The following BMPR1B variants were observed in gnomAD, a reference collection of about 807,000 sequenced individuals.
BMPR1B encodes the protein bone morphogenetic protein receptor type 1B, also known as bone morphogenetic protein receptor type-1B.
Under a neutral mutation model 59.1 loss-of-function variants are expected in BMPR1B, and 12 were observed. That is an observed-to-expected ratio of 0.20 (90% CI 0.13 to 0.33). The LOEUF is 0.33. BMPR1B is among the 10% of genes least tolerant of loss of function. The pLI, the probability that BMPR1B is intolerant of heterozygous loss-of-function variation, is 1.00. For missense variants in BMPR1B, 550 were observed against 610.9 expected, an observed-to-expected ratio of 0.90 and a Z score of 1.05; for synonymous variants, 237 against 207.3, an observed-to-expected ratio of 1.14 and a Z score of -1.23.
At chr4:95,059,031 G>A (rs2149201106) in intron 3 of BMPR1B, among the ~76,000 whole-genome samples, 1 of 152,290 alleles carries the variant, frequency 6.6e-6, no homozygotes, top group South Asian at 2.1e-4. Flanking sequence ...TTGTAAGAAT[G>A]ACATGCTGTA....
intron 2 of BMPR1B, among the ~76,000 whole-genome samples, chr4:94,902,008 C>T (rs2149000925): frequency 6.7e-6 from 1 of 148,972 alleles, no homozygotes; most frequent in African/African-American, 2.5e-5. Context: ...TGGTTCATTT[C>T]AACAATAGAC....
intron 3 of BMPR1B, among the ~76,000 whole-genome samples, chr4:95,080,756 A>AAACC (rs1161173094): frequency 1.3e-5 from 2 of 152,194 alleles, no homozygotes; most frequent in Non-Finnish European, 2.9e-5. Context: ...ACAACCAACC[A>AAACC]AACCAACCAA....
chr4:94,869,450 G>A (rs1392566597), intron 1 of BMPR1B, among the ~76,000 whole-genome samples: 1 of 152,092 alleles, frequency 6.6e-6, no homozygotes, highest in Non-Finnish European at 1.5e-5. Flanking sequence ...AGTCTCTTAA[G>A]TGTATATGGC....
At chr4:94,848,487 G>C (rs1039482503) in intron 1 of BMPR1B, among the ~76,000 whole-genome samples, 25 of 152,166 alleles carry the variant, frequency 1.6e-4, no homozygotes, top group African/African-American at 6.0e-4. Flanking sequence ...TTGAAGACCA[G>C]CAACGAGGCC....
chr4:94,760,647 G>A (rs1212784869), intron 1 of BMPR1B, among the ~76,000 whole-genome samples: 1 of 152,160 alleles, frequency 6.6e-6, no homozygotes, highest in Non-Finnish European at 1.5e-5. Flanking sequence ...GCTTCTGAGT[G>A]CCCCTCTTTC....
intron 3 of BMPR1B, among the ~76,000 whole-genome samples, chr4:95,012,127 G>A (rs1723267922): frequency 6.6e-6 from 1 of 152,018 alleles, no homozygotes; most frequent in South Asian, 2.1e-4. Flanking sequence ...AGATATTGAT[G>A]GAACTATTTT....
intron 1 of BMPR1B, among the ~76,000 whole-genome samples, chr4:94,847,849 A>G (rs1205228226): frequency 6.6e-6 from 1 of 152,166 alleles, no homozygotes; most frequent in Admixed American, 6.5e-5. Context: ...ACAAAAATAT[A>G]CAGAATGAAT....
At chr4:94,770,180 G>GGT (rs771544268) in intron 1 of BMPR1B, among the ~76,000 whole-genome samples, 20 of 106,276 alleles carry the variant, frequency 1.9e-4, no homozygotes, top group African/African-American at 7.0e-4. Flanking sequence ...CTTCGTTTCT[G>GGT]TGTTTGTTTT....
chr4:94,968,865 T>C (rs1284081130), intron 2 of BMPR1B, among the ~76,000 whole-genome samples: 3 of 152,162 alleles, frequency 2.0e-5, no homozygotes, highest in Admixed American at 1.3e-4. Context: ...CATATTCTCA[T>C]GTAGGAGGAC....
intron 3 of BMPR1B, among the ~76,000 whole-genome samples, chr4:95,011,135 G>A (rs1325013734): frequency 6.6e-6 from 1 of 151,712 alleles, no homozygotes; most frequent in African/African-American, 2.4e-5. Context: ...GGCTGGTTAC[G>A]TAGGTAAACT....
intron 2 of BMPR1B, among the ~76,000 whole-genome samples, chr4:94,932,837 C>T (rs964071004): frequency 1.3e-5 from 2 of 152,038 alleles, no homozygotes; most frequent in African/African-American, 2.4e-5. Context: ...CTAGGTCTGA[C>T]GGTTATATCA....
intron 1 of BMPR1B, among the ~76,000 whole-genome samples, chr4:94,825,678 G>A (rs1724358035): frequency 6.6e-6 from 1 of 152,126 alleles, no homozygotes; most frequent in Non-Finnish European, 1.5e-5. Context: ...GTGCCTGGTT[G>A]CAATAGTTCT....
intron 1 of BMPR1B, among the ~76,000 whole-genome samples, chr4:94,780,682 C>CTTTT (rs869117575): frequency 8.5e-5 from 7 of 82,372 alleles, no homozygotes; most frequent in Non-Finnish European, 8.9e-5. Flanking sequence ...GTATTATTGT[C>CTTTT]TTTTTTTTTT....
chr4:94,951,533 C>T (rs754790969), intron 2 of BMPR1B, among the ~76,000 whole-genome samples: 8 of 151,942 alleles, frequency 5.3e-5, no homozygotes, highest in African/African-American at 1.5e-4. Flanking sequence ...GAGGTAATTA[C>T]GTGCTTTTTG....
intron 1 of BMPR1B, among the ~76,000 whole-genome samples, chr4:94,802,141 T>G (rs1403872567): frequency 6.6e-6 from 1 of 152,164 alleles, no homozygotes; most frequent in Non-Finnish European, 1.5e-5. Context: ...TTACCACCGT[T>G]GTGGTGAAAG....
At position 95,060,955 on chromosome 4, in the gene BMPR1B, C is replaced by T. The variant is rs564146774; in HGVS notation, c.-17-43453C>T. On this transcript the variant is annotated intron_variant, in intron 3 of 12. Coordinates refer to ENST00000515059, the MANE Select transcript of BMPR1B (RefSeq NM_001203.3). ...TTCCAGATAAACACTTTTGAGTTCC[C>T]GGGCAATATGGAAACATACCCAGGG... 1.2e-4 allele frequency among the ~76,000 whole-genome samples: 18 copies of T among 152,056 alleles called. No individual in the cohort carries two copies. In the East Asian group the frequency reaches 1.4e-3, roughly 11 times the overall value.
intron 2 of BMPR1B, among the ~76,000 whole-genome samples, chr4:94,994,068 G>A (rs1174123752): frequency 6.6e-6 from 1 of 152,044 alleles, no homozygotes; most frequent in Non-Finnish European, 1.5e-5. Context: ...TTTTACCACA[G>A]GTGAAAATTT....
chr4:94,850,477 G>T (rs1438122242), intron 1 of BMPR1B, among the ~76,000 whole-genome samples: 4 of 149,566 alleles, frequency 2.7e-5, no homozygotes, highest in Non-Finnish European at 6.0e-5. Flanking sequence ...GCTGAGATAT[G>T]GTGTGAAAAT....
At chr4:95,051,437 C>G (rs968456775) in intron 3 of BMPR1B, among the ~76,000 whole-genome samples, 1 of 152,108 alleles carries the variant, frequency 6.6e-6, no homozygotes, top group Admixed American at 6.6e-5. Flanking sequence ...GCAGCTGGGT[C>G]AGGCTCCTTT....
Sources: allele counts gnomAD v4.1 joint callset (sites outside exome capture counted in the v4.1 genomes callset), GRCh38; gene constraint gnomAD v4.1.1; transcripts MANE v1.5; gene names NCBI Gene and HGNC (gene_info 2026-07-23, HGNC 2026-07-21).